GINS4: variants seen among roughly 807,000 people sequenced by gnomAD.
GINS4 encodes GINS complex subunit 4.
GINS4 carries 20 observed loss-of-function variants against 31.1 expected under a neutral mutation model. That is an observed-to-expected ratio of 0.64 (90% CI 0.45 to 0.93). The LOEUF (loss-of-function observed/expected upper bound fraction) is 0.93. Among genes scored for constraint, GINS4 ranks in the 40% least tolerant of loss-of-function variants. The probability of loss-of-function intolerance (pLI) is 0.00; values close to 1 mark genes in which losing one functional copy is unlikely to be tolerated. For missense variants in GINS4, 245 were observed against 273.9 expected (o/e 0.89, Z 0.75); for synonymous variants, 85 against 97.9 (o/e 0.87, Z 0.78).
At position 41,542,819 on chromosome 8, in the gene GINS4, G is replaced by A. The variant is rs1381309277; in HGVS notation, c.*732G>A. 1 of 152,448 alleles carries A rather than the reference G, an allele frequency of 6.6e-6. No homozygotes were observed. The highest frequency in any genetic ancestry group is 6.5e-5 in the Admixed American group (1 of 15,296). 9.4% of individuals were successfully genotyped at this position (152,448 alleles called of 1,614,324 possible). ...GGGCGTGAAGCGGAGCTCGAGGCAG[G>A]ATTGCTTGTGTTGCTGCATGTCCTG... On this transcript the variant is annotated 3_prime_UTR_variant, in exon 8 of 8. Transcript: ENST00000276533.
chr8:41,529,968 G>T, intron 1 of GINS4: 1 of 493,070 alleles, frequency 2.0e-6, no homozygotes, highest in Non-Finnish European at 3.6e-6. Flanking sequence ...CAGAAGTAAG[G>T]GGGAGGCTTG....
At position 41,532,060 on chromosome 8, in the gene GINS4, C is replaced by T. The variant is rs551397051; in HGVS notation, c.96+1762C>T. Among the ~76,000 whole-genome samples, 16 of 152,338 alleles carry T rather than the reference C, an allele frequency of 1.1e-4. 1 individual carries two copies. In the East Asian group the frequency reaches 2.9e-3, roughly 28 times the overall value. ...GACCTTGTGATCTGCCTGCCTTAGC[C>T]TCCCAAAGTGCTGGGATTACAGGCA... On this transcript the variant is annotated intron_variant, in intron 2 of 7. Coordinates refer to ENST00000276533, the MANE Select transcript of GINS4 (RefSeq NM_032336.3).
chr8:41,544,491 C>G lies in GINS4; in HGVS notation c.*2404C>G, dbSNP rs934699621. 6.6e-6 allele frequency: 1 copy of G among 152,156 alleles called. No homozygotes were observed. The highest frequency in any genetic ancestry group is 2.1e-4 in the South Asian group (1 of 4,830). The allele number at this position is 152,156 out of a possible 1,614,324, so 9.4% of individuals were successfully genotyped here. ...CCTAAGCCTTAATGTGCATACCCAT[C>G]GCCTGGAGCTCGCCTTAAGATGTAG... is the stretch of plus-strand genomic sequence containing the variant. On this transcript the variant is annotated 3_prime_UTR_variant, in exon 8 of 8. Transcript: ENST00000276533.
Position 41,543,317 on chromosome 8 carries a change from C to G in GINS4, c.*1230C>G, listed in dbSNP as rs1806876289. The G allele has an allele frequency of 6.6e-6, 1 of 152,228 alleles. No homozygotes were observed. Among genetic ancestry groups the G allele is most frequent in the African/African-American group, 2.4e-5 (1 of 41,448 alleles). 9.4% of individuals were successfully genotyped at this position (152,228 alleles called of 1,614,324 possible). ...TGTGCTCCCTGCTGTTAACCCGCAG[C>G]CCTCCCCAACTCTCCAGCAGCTTTG... On this transcript the variant is annotated 3_prime_UTR_variant, in exon 8 of 8. Transcript: ENST00000276533.
rs1806877501 is a variant in GINS4, at chr8:41,543,386, C to T, written c.*1299C>T. ...CATCTGGCTGTCCTTGGCCAAGGCA[C>T]TGTTAACGGAGTGACGTTAACCATC... On this transcript the variant is annotated 3_prime_UTR_variant, in exon 8 of 8. Coordinates refer to ENST00000276533, the MANE Select transcript of GINS4 (RefSeq NM_032336.3). 1 of 152,220 alleles carries T rather than the reference C, an allele frequency of 6.6e-6. No homozygotes were observed. Among genetic ancestry groups the T allele is most frequent in the Admixed American group, 6.5e-5 (1 of 15,276 alleles). The allele number at this position is 152,220 out of a possible 1,614,324, so 9.4% of individuals were successfully genotyped here.
rs763468665 is a variant in GINS4, at chr8:41,539,728, G to T, written c.348G>T (p.Glu116Asp). 6.2e-7 allele frequency: 1 copy of T among 1,614,152 alleles called. No homozygotes were observed. ...HVLEKEKTRP[E>D]GEPSSLSPEE... is the part of the protein sequence containing the mutation. ...TTGAGAAGGAAAAAACACGTCCTGA[G>T]GGGGAGCCTTCCAGCCTCTCGCCGG... is the stretch of plus-strand genomic sequence containing the variant. Residue 116 changes from glutamate (E) to aspartate (D), a missense_variant, in exon 5 of 8, where the codon GAG becomes GAT. Transcript: ENST00000276533.
chr8:41,530,360 A>G, intron 2 of GINS4, 62 bp downstream of exon 2: 2 of 1,167,922 alleles, frequency 1.7e-6, no homozygotes, highest in South Asian at 1.3e-5. Flanking sequence ...TCAACTGTGA[A>G]TATCAGGGAT....
intron 3 of GINS4, 114 bp from the exon 4 acceptor site, chr8:41,537,066 C>T (rs1233291920): frequency 7.7e-6 from 5 of 646,592 alleles, no homozygotes; most frequent in African/African-American, 1.8e-5. Flanking sequence ...AAAATGAAAA[C>T]TCACATGATA....
rs1563256423 is a variant in GINS4, at chr8:41,542,137, AC to A, written c.*51del. The A allele has an allele frequency of 1.4e-6, 2 of 1,431,836 alleles. No individual in the cohort carries two copies. The highest frequency in any genetic ancestry group is 2.0e-6 in the Non-Finnish European group (2 of 1,014,718). 88.7% of individuals were successfully genotyped at this position (1,431,836 alleles called of 1,614,324 possible). A position where few individuals can be genotyped will look rare whatever the true frequency, so the allele number is the denominator to read the frequency against. On this transcript the variant is annotated 3_prime_UTR_variant, in exon 8 of 8. Transcript: ENST00000276533. ...GGTGACTCAAGCCTGTAATCCCAGC[AC>A]TTTGGGAGGCCGAGGCGGGCGGATC...
chr8:41,529,539 G>T (rs1454880890), intron 1 of GINS4, 143 bp downstream of exon 1: 1 of 152,256 alleles, frequency 6.6e-6, no homozygotes, highest in Non-Finnish European at 1.5e-5. Context: ...TAGGCCTTTG[G>T]GATCGCCGAC....
intron 2 of GINS4, among the ~76,000 whole-genome samples, chr8:41,534,873 G>C (rs1806715447): frequency 6.6e-6 from 1 of 151,996 alleles, no homozygotes; most frequent in Non-Finnish European, 1.5e-5. Context: ...GGGACTACAG[G>C]CGTGCCACGC....
chr8:41,544,738 A>C lies in GINS4; in HGVS notation c.*2651A>C, dbSNP rs375270076. On this transcript the variant is annotated 3_prime_UTR_variant, in exon 8 of 8. Transcript: ENST00000276533. ...GATATTGCACATTTGTATATGAATA[A>C]ATTTTTGCAAATTAAAAAAAAAAAA... is the stretch of plus-strand genomic sequence containing the variant. 1 of 121,806 alleles carries C rather than the reference A, an allele frequency of 8.2e-6. No individual in the cohort carries two copies. The highest frequency in any genetic ancestry group is 2.5e-4 in the South Asian group (1 of 4,000). 7.5% of individuals were successfully genotyped at this position (121,806 alleles called of 1,614,324 possible). A position where few individuals can be genotyped will look rare whatever the true frequency, so the allele number is the denominator to read the frequency against.
chr8:41,541,336 A>C lies in GINS4; in HGVS notation c.485-473A>C, dbSNP rs115205829. ...TGATCCTCCAGCCTCAGCCTCTCAA[A>C]ATGCTGAGATCACAGGCATAAGCCA... On this transcript the variant is annotated intron_variant, in intron 6 of 7. Transcript: ENST00000276533. Among the ~76,000 whole-genome samples, 1,395 of 152,232 alleles carry C rather than the reference A, an allele frequency of 9.2e-3. 23 individuals are homozygous for C. Among genetic ancestry groups the C allele is most frequent in the African/African-American group, 0.032 (1,309 of 41,524 alleles).
intron 2 of GINS4, among the ~76,000 whole-genome samples, chr8:41,535,526 C>T (rs894270391): frequency 2.0e-5 from 3 of 152,054 alleles, no homozygotes; most frequent in Admixed American, 6.6e-5. Context: ...TGTAGCCATA[C>T]CCAGCATTTG....
intron 4 of GINS4, among the ~76,000 whole-genome samples, chr8:41,538,577 T>C (rs902453116): frequency 3.3e-5 from 5 of 152,128 alleles, no homozygotes; most frequent in Non-Finnish European, 5.9e-5. Context: ...TTGATACTTA[T>C]CTCTCTTAAG....
chr8:41,532,195 A>T (rs181543387), intron 2 of GINS4, among the ~76,000 whole-genome samples: 16 of 152,314 alleles, frequency 1.1e-4, no homozygotes, highest in African/African-American at 3.8e-4. Flanking sequence ...ACACAAGATG[A>T]TTATCCACAG....
At chr8:41,539,873 A>G (rs754878809) in intron 5 of GINS4, 43 bp from the exon 6 acceptor site, 1 of 1,597,552 alleles carries the variant, frequency 6.3e-7, no homozygotes. Context: ...TTGGACGTCC[A>G]TCAGCTGTGT....
At chr8:41,538,526 C>T (rs1264087615) in intron 4 of GINS4, among the ~76,000 whole-genome samples, 1 of 152,120 alleles carries the variant, frequency 6.6e-6, no homozygotes, top group Non-Finnish European at 1.5e-5. Context: ...TCACTGTCCT[C>T]TACTTGTATG....
At chr8:41,530,520 A>G (rs1336885483) in intron 2 of GINS4, among the ~76,000 whole-genome samples, 15 of 152,216 alleles carry the variant, frequency 9.9e-5, no homozygotes. Flanking sequence ...AGTAAGGGAC[A>G]GCTTTGGGCA....
Sources: gnomAD v4.1 joint callset for allele counts (sites outside exome capture counted in the v4.1 genomes callset) on GRCh38, gnomAD v4.1.1 for gene constraint, MANE v1.5 for transcripts, NCBI Gene and HGNC (gene_info 2026-07-23, HGNC 2026-07-21) for gene names.